CELF2: variants seen among roughly 807,000 people sequenced by gnomAD.
CELF2 encodes CUG triplet repeat RNA-binding protein 2.
CELF2 carries 8 observed loss-of-function variants against 62.6 expected under a neutral mutation model. The observed-to-expected ratio is 0.13, with a 90% confidence interval of 0.07 to 0.23. CELF2 has a LOEUF of 0.23. CELF2 is among the 10% of genes least tolerant of loss of function. The pLI is 1.00. For synonymous variants in CELF2, 258 were observed against 250.0 expected (o/e 1.03, Z -0.30); for missense variants, 333 against 671.0 (o/e 0.50, Z 5.56).
chr10:10,890,898 C>G (rs2062090906), intron 1 of CELF2, among the ~76,000 whole-genome samples: 1 of 152,160 alleles, frequency 6.6e-6, no homozygotes, highest in Admixed American at 6.5e-5. Flanking sequence ...GCCTATAATT[C>G]CAGCTACTCG....
In CELF2 at chr10:11,246,544, G is replaced by A. The variant is rs539774852; in HGVS notation, c.355-2609G>A. ...ACAGAACCTACTTCTGATAAATCCC[G>A]TGAAGAATTTTTTATTGCCAGATCC... On this transcript the variant is annotated intron_variant, in intron 3 of 12. Transcript: ENST00000633077. The surrounding 1 kb of genome is among the most constrained non-coding windows in gnomAD (Gnocchi z 4.6). 2.0e-5 allele frequency among the ~76,000 whole-genome samples: 3 copies of A among 152,004 alleles called. No homozygotes were observed. Among genetic ancestry groups the A allele is most frequent in the Admixed American group, 6.5e-5 (1 of 15,270 alleles).
At chr10:11,126,944 T>C (rs1198204318) in intron 1 of CELF2, among the ~76,000 whole-genome samples, 1 of 151,994 alleles carries the variant, frequency 6.6e-6, no homozygotes, top group African/African-American at 2.4e-5. Context: ...ATGTGCACAA[T>C]GTGCAGGTTT....
At chr10:10,580,295 A>G in the CELF2 span, among the ~76,000 whole-genome samples, 1 of 152,150 alleles carries the variant, frequency 6.6e-6, no homozygotes, top group South Asian at 2.1e-4. Flanking sequence ...CCCAATTCAT[A>G]AGTGCACTTT....
rs555950560 is a variant in CELF2, at chr10:11,075,860, C to G, written c.74+57697C>G. ...GCAAAATACTAGTAATCTGATTAATCTCAATTAATTAAAATGTTTAATAAA... is the reference window on the plus strand; with the variant it reads ...GCAAAATACTAGTAATCTGATTAATGTCAATTAATTAAAATGTTTAATAAA... On this transcript the variant is annotated intron_variant, in intron 1 of 12. Coordinates refer to ENST00000633077, the MANE Select transcript of CELF2 (RefSeq NM_001326342.2). This position sits in a 1 kb window ranked among gnomAD's most constrained non-coding sequence, Gnocchi z 5.4. 2.4e-4 allele frequency among the ~76,000 whole-genome samples: 36 copies of G among 152,036 alleles called. No individual in the cohort carries two copies. The highest frequency in any genetic ancestry group is 2.9e-4 in the Non-Finnish European group (20 of 68,002).
At chr10:10,767,974 C>G in the CELF2 span, among the ~76,000 whole-genome samples, 2 of 92,496 alleles carry the variant, frequency 2.2e-5, 1 homozygote, top group Admixed American at 3.3e-4. Context: ...CCAGCCTGGG[C>G]GACAGAGCGA....
chr10:10,507,015 G>A, the CELF2 span, among the ~76,000 whole-genome samples: 1 of 152,042 alleles, frequency 6.6e-6, no homozygotes, highest in Non-Finnish European at 1.5e-5. Flanking sequence ...CCAGGCAAAG[G>A]ATGTGCTTTG....
intron 2 of CELF2, among the ~76,000 whole-genome samples, chr10:11,197,083 G>GAAAGAAAGAAGAAAGA (rs1554936937): frequency 1.7e-5 from 2 of 114,732 alleles, no homozygotes; most frequent in African/African-American, 7.0e-5. Flanking sequence ...AAGAAAGAAA[G>GAAAGAAAGAAGAAAGA]AAGAAAGAAA....
rs867848688 is a variant in CELF2 at position 11,025,207 on chromosome 10, A to G, written c.74+7044A>G. 9.7e-4 allele frequency among the ~76,000 whole-genome samples: 137 copies of G among 141,250 alleles called. 2 individuals carry two copies. Among genetic ancestry groups the G allele is most frequent in the Admixed American group, 2.0e-3 (28 of 13,662 alleles). 92.7% of individuals were successfully genotyped at this position (141,250 alleles called of 152,430 possible). ...AATATGTGTGGGGGTATATACATATATGTGTGTGTGTGTGTGTGTGTGTGT... is the reference window on the plus strand; with the variant it reads ...AATATGTGTGGGGGTATATACATATGTGTGTGTGTGTGTGTGTGTGTGTGT... On this transcript the variant is annotated intron_variant, in intron 1 of 12. Transcript: ENST00000633077.
At chr10:11,213,898 C>T (rs952069091) in intron 2 of CELF2, among the ~76,000 whole-genome samples, 1 of 152,206 alleles carries the variant, frequency 6.6e-6, no homozygotes, top group Non-Finnish European at 1.5e-5. Context: ...ATGCTTTTGA[C>T]CCTTTTTCTT....
At position 11,309,232 on chromosome 10, in the gene CELF2, A is replaced by G. The variant is rs1312987150; in HGVS notation, c.977-4907A>G. Among the ~76,000 whole-genome samples, 1 of 152,224 alleles carries G rather than the reference A, an allele frequency of 6.6e-6. No homozygotes were observed. The highest frequency in any genetic ancestry group is 1.9e-4 in the East Asian group (1 of 5,204). ...CTTTCTATTAACAACAGGACATTGT[A>G]GATGTTACAGCACTTCTGGGTGCTA... On this transcript the variant is annotated intron_variant, in intron 9 of 12. Coordinates refer to ENST00000633077, the MANE Select transcript of CELF2 (RefSeq NM_001326342.2). This position sits in a 1 kb window ranked among gnomAD's most constrained non-coding sequence, Gnocchi z 5.6.
intron 1 of CELF2, among the ~76,000 whole-genome samples, chr10:10,844,390 C>T (rs2058881147): frequency 6.6e-6 from 1 of 151,964 alleles, no homozygotes; most frequent in Non-Finnish European, 1.5e-5. Context: ...TACTTCTGGC[C>T]AAAACAGTGA....
At chr10:10,543,881 T>C in the CELF2 span, among the ~76,000 whole-genome samples, 1 of 152,180 alleles carries the variant, frequency 6.6e-6, no homozygotes, top group Non-Finnish European at 1.5e-5. Context: ...GATAAACAAA[T>C]TCAGCGCTAA....
the CELF2 span, among the ~76,000 whole-genome samples, chr10:10,489,152 C>A: frequency 6.6e-6 from 1 of 151,866 alleles, no homozygotes; most frequent in African/African-American, 2.4e-5. Context: ...AACTTCTTCA[C>A]CAAAAAAAAA....
At chr10:10,573,739 G>A in the CELF2 span, among the ~76,000 whole-genome samples, 1 of 151,994 alleles carries the variant, frequency 6.6e-6, no homozygotes, top group African/African-American at 2.4e-5. Flanking sequence ...TATTTTATTT[G>A]ATCAAGTTTC....
intron 1 of CELF2, among the ~76,000 whole-genome samples, chr10:11,022,884 A>G (rs1196771510): frequency 7.9e-5 from 12 of 152,238 alleles, no homozygotes; most frequent in African/African-American, 2.2e-4. Context: ...AATGAAAACA[A>G]ACTCTCATAA....
chr10:10,625,190 A>T, the CELF2 span, among the ~76,000 whole-genome samples: 3 of 150,774 alleles, frequency 2.0e-5, no homozygotes, highest in Non-Finnish European at 4.5e-5. Flanking sequence ...CCATGTAGGT[A>T]TGGTATTGAT....
intron 1 of CELF2, among the ~76,000 whole-genome samples, chr10:11,084,700 T>C (rs1043379486): frequency 6.6e-6 from 1 of 152,148 alleles, no homozygotes; most frequent in Non-Finnish European, 1.5e-5. Flanking sequence ...TGATATAGAA[T>C]TCTAAGATTT....
the CELF2 span, among the ~76,000 whole-genome samples, chr10:10,662,923 A>T: frequency 1.3e-5 from 2 of 152,212 alleles, no homozygotes; most frequent in African/African-American, 4.8e-5. Flanking sequence ...CTTGGCACAA[A>T]CAAAGCCCCA....
At chr10:11,045,815 G>A (rs2062723070) in intron 1 of CELF2, among the ~76,000 whole-genome samples, 1 of 152,058 alleles carries the variant, frequency 6.6e-6, no homozygotes, top group South Asian at 2.1e-4. Context: ...CCCCCTTAAG[G>A]TGCCATATCT....
Sources: allele counts gnomAD v4.1 joint callset (sites outside exome capture counted in the v4.1 genomes callset), GRCh38; gene constraint gnomAD v4.1.1; non-coding constraint Gnocchi (gnomAD v3.1); transcripts MANE v1.5; gene names NCBI Gene and HGNC (gene_info 2026-07-23, HGNC 2026-07-21).